Variants in TRPC4AP observed in about 807,000 individuals in gnomAD.
The protein encoded by TRPC4AP is short transient receptor potential channel 4-associated protein.
In TRPC4AP, 45 loss-of-function variants were observed where a neutral mutation model predicts 99.0. That is an observed-to-expected ratio of 0.45 (90% CI 0.36 to 0.58). The LOEUF is 0.58. Among genes scored for constraint, TRPC4AP ranks in the 20% least tolerant of loss-of-function variants. The pLI, the probability that TRPC4AP is intolerant of heterozygous loss-of-function variation, is 0.00. For synonymous variants in TRPC4AP, 408 were observed against 385.8 expected, an observed-to-expected ratio of 1.06 and a Z score of -0.67; for missense variants, 879 against 985.3, an observed-to-expected ratio of 0.89 and a Z score of 1.44.
intron 7 of TRPC4AP, among the ~76,000 whole-genome samples, chr20:35,041,157 G>GAAAGGCCTCAA (rs1191020133): frequency 2.0e-5 from 3 of 152,204 alleles, no homozygotes; most frequent in South Asian, 2.1e-4. Flanking sequence ...TGTTAGTTAA[G>GAAAGGCCTCAA]CCACCTAGTC....
intron 14 of TRPC4AP, among the ~76,000 whole-genome samples, 194 bp from the exon 15 acceptor site, chr20:35,006,769 A>G (rs1168714824): frequency 1.3e-5 from 2 of 152,204 alleles, no homozygotes; most frequent in Non-Finnish European, 2.9e-5. Flanking sequence ...CAGGAGGTGG[A>G]GCAGACTGGG....
chr20:35,056,123 G>A (rs994030196), intron 4 of TRPC4AP, among the ~76,000 whole-genome samples: 2 of 152,174 alleles, frequency 1.3e-5, no homozygotes, highest in East Asian at 1.9e-4. Flanking sequence ...CTGAGACAAC[G>A]CAGACGCTCT....
intron 2 of TRPC4AP, among the ~76,000 whole-genome samples, chr20:35,072,018 C>T (rs984326116): frequency 1.3e-4 from 20 of 152,194 alleles, no homozygotes; most frequent in Admixed American, 9.2e-4. Context: ...TTTTGATTTG[C>T]ATTTCTCTGA....
At chr20:35,014,240 C>G (rs1019933403) in intron 10 of TRPC4AP, among the ~76,000 whole-genome samples, 1 of 152,112 alleles carries the variant, frequency 6.6e-6, no homozygotes, top group Non-Finnish European at 1.5e-5. Context: ...GGGCAGCCCC[C>G]TCCCTGCCTG....
At chr20:35,003,357 G>C in intron 18 of TRPC4AP, 53 bp downstream of exon 18, 1 of 1,611,420 alleles carries the variant, frequency 6.2e-7, no homozygotes, top group Non-Finnish European at 8.5e-7. Flanking sequence ...ACCCCTCTGA[G>C]AGGCCCTGGG....
At chr20:35,029,928 G>A (rs375348784) in intron 8 of TRPC4AP, among the ~76,000 whole-genome samples, 11 of 123,404 alleles carry the variant, frequency 8.9e-5, no homozygotes, top group East Asian at 5.9e-4. Flanking sequence ...GAGCCACCGC[G>A]CCCAGCCCCA....
chr20:35,057,694 G>A, intron 3 of TRPC4AP, 123 bp from the exon 4 acceptor site: 1 of 764,872 alleles, frequency 1.3e-6, no homozygotes, highest in East Asian at 3.0e-5. Flanking sequence ...TTTGTTCCAG[G>A]AGGCAGTTAA....
At chr20:35,066,657 A>C (rs2084152325) in intron 3 of TRPC4AP, among the ~76,000 whole-genome samples, 2 of 152,188 alleles carry the variant, frequency 1.3e-5, no homozygotes, top group Non-Finnish European at 2.9e-5. Flanking sequence ...AAAATATTAG[A>C]AGGAAATAGG....
intron 2 of TRPC4AP, among the ~76,000 whole-genome samples, chr20:35,077,682 T>G (rs965624625): frequency 6.6e-6 from 1 of 152,178 alleles, no homozygotes; most frequent in Admixed American, 6.5e-5. Flanking sequence ...TCAACAACCA[T>G]AAGGCCTCTT....
intron 11 of TRPC4AP, among the ~76,000 whole-genome samples, chr20:35,010,616 G>A (rs1998231): frequency 3.3e-5 from 5 of 151,654 alleles, no homozygotes; most frequent in Non-Finnish European, 7.4e-5. Context: ...CACCTCAACA[G>A]GTCCAATCAC....
intron 1 of TRPC4AP, among the ~76,000 whole-genome samples, chr20:35,084,536 A>C (rs144417578): frequency 1.4e-5 from 2 of 147,514 alleles, no homozygotes; most frequent in East Asian, 3.9e-4. Flanking sequence ...ATATGTATAT[A>C]TGTATATGTA....
chr20:35,086,565 GTGTGTGTGTGTATATA>G (rs2084885335), intron 1 of TRPC4AP, among the ~76,000 whole-genome samples: 1 of 105,386 alleles, frequency 9.5e-6, no homozygotes. Context: ...GTGTGTGTGT[GTGTGTGTGTGTATATA>G]TATATGAATA....
rs73273857 is a variant in TRPC4AP at position 35,049,740 on chromosome 20, T to C, written c.657+126A>G. On this transcript the variant is annotated intron_variant, in intron 6 of 18. Transcript: ENST00000252015. Reference sequence around the variant, plus strand: ...GGGGTAATCAAGTTTTATACTTGAATACATCTGAGTAACAAGACATAATTT... The same window carrying C: ...GGGGTAATCAAGTTTTATACTTGAACACATCTGAGTAACAAGACATAATTT... The C allele has an allele frequency of 3.4e-3, 3,816 of 1,133,212 alleles. 31 individuals carry two copies. Among genetic ancestry groups the C allele is most frequent in the African/African-American group, 0.018 (1,105 of 62,688 alleles). 70.2% of individuals were successfully genotyped at this position (1,133,212 alleles called of 1,614,324 possible).
At chr20:35,052,906 C>G (rs749835513) in intron 5 of TRPC4AP, among the ~76,000 whole-genome samples, 1 of 152,184 alleles carries the variant, frequency 6.6e-6, no homozygotes, top group Non-Finnish European at 1.5e-5. Flanking sequence ...CAAACATTTC[C>G]TGTTTTCTGC....
intron 5 of TRPC4AP, among the ~76,000 whole-genome samples, chr20:35,050,226 A>G (rs573723075): frequency 6.9e-4 from 105 of 152,230 alleles, no homozygotes; most frequent in Non-Finnish European, 9.3e-4. Flanking sequence ...TTGTGAGAAC[A>G]TAACACAATG....
chr20:35,081,733 T>C (rs1433165289), intron 1 of TRPC4AP, among the ~76,000 whole-genome samples: 1 of 151,962 alleles, frequency 6.6e-6, no homozygotes, highest in Non-Finnish European at 1.5e-5. Flanking sequence ...ACACCTCTAA[T>C]CCCAGCACTC....
chr20:35,003,360 G>C, intron 18 of TRPC4AP, 50 bp downstream of exon 18: 1 of 1,610,356 alleles, frequency 6.2e-7, no homozygotes, highest in Non-Finnish European at 8.5e-7. Flanking sequence ...CCTCTGAGAG[G>C]CCCTGGGTCC....
At chr20:35,039,437 G>A (rs1053835785) in intron 7 of TRPC4AP, among the ~76,000 whole-genome samples, 1 of 152,110 alleles carries the variant, frequency 6.6e-6, no homozygotes, top group Non-Finnish European at 1.5e-5. Flanking sequence ...CAATCTCATG[G>A]GCTGACATCC....
At chr20:35,061,159 G>T (rs2083996987) in intron 3 of TRPC4AP, among the ~76,000 whole-genome samples, 1 of 152,030 alleles carries the variant, frequency 6.6e-6, no homozygotes, top group Non-Finnish European at 1.5e-5. Flanking sequence ...CACGATATGT[G>T]ATCAATATAC....
Sources: allele counts gnomAD v4.1 joint callset (sites outside exome capture counted in the v4.1 genomes callset), GRCh38; gene constraint gnomAD v4.1.1; transcripts MANE v1.5; gene names NCBI Gene and HGNC (gene_info 2026-07-23, HGNC 2026-07-21).